The following GNPTAB variants were observed in gnomAD, a reference collection of about 807,000 sequenced individuals.
GNPTAB encodes N-acetylglucosamine-1-phosphate transferase subunits alpha and beta, also known as N-acetylglucosamine-1-phosphotransferase subunits alpha/beta.
GNPTAB carries 92 observed loss-of-function variants against 136.6 expected under a neutral mutation model. That is an observed-to-expected ratio of 0.67 (90% CI 0.57 to 0.80). GNPTAB has a LOEUF of 0.80. Ranked by LOEUF, GNPTAB falls within the 30% of genes least tolerant of loss-of-function variation. The pLI is 0.00. For missense variants in GNPTAB, 1,343 were observed against 1,501.8 expected (o/e 0.89, Z 1.75); for synonymous variants, 512 against 535.1 (o/e 0.96, Z 0.60).
At chr12:101,763,285 C>T (rs939670130) in intron 13 of GNPTAB, among the ~76,000 whole-genome samples, 23 of 151,636 alleles carry the variant, frequency 1.5e-4, no homozygotes, top group African/African-American at 5.3e-4. Flanking sequence ...TAAACATAGT[C>T]AAGAACACTG....
chr12:101,828,473 CA>C (rs1348421313), intron 1 of GNPTAB, among the ~76,000 whole-genome samples: 1 of 152,158 alleles, frequency 6.6e-6, no homozygotes, highest in African/African-American at 2.4e-5. Flanking sequence ...GTCTGGCCAA[CA>C]TAGTGAAACC....
At chr12:101,823,905 A>G (rs980371272) in intron 1 of GNPTAB, among the ~76,000 whole-genome samples, 1 of 152,226 alleles carries the variant, frequency 6.6e-6, no homozygotes, top group Non-Finnish European at 1.5e-5. Flanking sequence ...TTCTAGAGCA[A>G]GGTAAAGGGC....
At chr12:101,750,782 C>T (rs908219380) in intron 19 of GNPTAB, among the ~76,000 whole-genome samples, 4 of 152,182 alleles carry the variant, frequency 2.6e-5, no homozygotes, top group African/African-American at 9.7e-5. Flanking sequence ...CAGCAATATT[C>T]ATCCTAATTG....
chr12:101,761,065 C>G, intron 15 of GNPTAB, 62 bp downstream of exon 15: 3 of 1,288,676 alleles, frequency 2.3e-6, no homozygotes, highest in Non-Finnish European at 3.3e-6. Flanking sequence ...AGCCACTGCG[C>G]CTGACCAGAA....
chr12:101,775,544 G>A (rs1451167119), intron 7 of GNPTAB, among the ~76,000 whole-genome samples: 3 of 151,846 alleles, frequency 2.0e-5, no homozygotes, highest in Non-Finnish European at 4.4e-5. Context: ...ATTTTTAGTA[G>A]AGATGGAGTT....
intron 9 of GNPTAB, 63 bp downstream of exon 9, chr12:101,770,343 T>G: frequency 7.1e-7 from 1 of 1,400,896 alleles, no homozygotes; most frequent in Non-Finnish European, 1.0e-6. Context: ...TGGAAATCCC[T>G]GTACCACACT....
chr12:101,796,745 G>T lies in GNPTAB; in HGVS notation c.135C>A (p.Ser45Arg). 6.2e-7 allele frequency: 1 copy of T among 1,611,688 alleles called. No homozygotes were observed. The highest frequency in any genetic ancestry group is 8.5e-7 in the Non-Finnish European group (1 of 1,178,350). ...FQFGEVVLEW[S>R]RDQYHVLFDS... ...CAAACAAAACATGGTATTGATCTCG[G>T]CTCCATTCCAGAACCACCTAGAACA... The change falls in exon 2 of 21, where the codon AGC (serine) becomes AGA (arginine). Residue 45 changes from serine (S) to arginine (R), a missense_variant. Transcript: ENST00000299314.
At position 101,796,706 on chromosome 12, in the gene GNPTAB, G is replaced by A. The variant is rs148948607; in HGVS notation, c.174C>T (p.Asp58=). 4.9e-4 allele frequency: 786 copies of A among 1,611,724 alleles called. 3 individuals carry two copies. Among genetic ancestry groups the A allele is most frequent in the Non-Finnish European group, 9.0e-5 (106 of 1,178,184 alleles). The change falls in exon 2 of 21, where the codon GAC becomes GAT. Residue 58 remains aspartate, a synonymous_variant. Coordinates refer to ENST00000299314, the MANE Select transcript of GNPTAB (RefSeq NM_024312.5). ...QYHVLFDSYR[D]NIAGKSFQNR... ...TCTGAAAGGACTTTCCAGCAATATTGTCTCTATAGGAATCAAACAAAACAT... is the reference window on the plus strand; with the variant it reads ...TCTGAAAGGACTTTCCAGCAATATTATCTCTATAGGAATCAAACAAAACAT...
chr12:101,773,058 G>A (rs144907690), intron 7 of GNPTAB: 2 of 179,760 alleles, frequency 1.1e-5, no homozygotes, highest in Non-Finnish European at 2.4e-5. Context: ...CAATCTGCCC[G>A]CCTCGGCCTC....
At chr12:101,815,231 T>C (rs1346654378) in intron 1 of GNPTAB, among the ~76,000 whole-genome samples, 1 of 152,172 alleles carries the variant, frequency 6.6e-6, no homozygotes, top group African/African-American at 2.4e-5. Context: ...CTATGCTGGC[T>C]AATTTTGGAT....
At chr12:101,763,696 G>A (rs565578319) in intron 13 of GNPTAB, among the ~76,000 whole-genome samples, 1 of 152,288 alleles carries the variant, frequency 6.6e-6, no homozygotes, top group South Asian at 2.1e-4. Flanking sequence ...ATTCCCCAGT[G>A]GTTAGCACCG....
In GNPTAB at chr12:101,749,211, C is replaced by A. The variant is rs746214866; in HGVS notation, c.3603-20G>T. ...GCCCTCCTGTGCAGAGAGAAGAAAG[C>A]AACTATGTACTTCTGTATATGGTTT... On this transcript the variant is annotated intron_variant, in intron 19 of 20. Transcript: ENST00000299314. 1.2e-5 allele frequency: 17 copies of A among 1,393,354 alleles called. No homozygotes were observed. In the South Asian group the frequency reaches 1.8e-4, roughly 15 times the overall value. The allele number at this position is 1,393,354 out of a possible 1,614,324, so 86.3% of individuals were successfully genotyped here.
rs540384274 is a variant in GNPTAB, at chr12:101,787,680, G to A, written c.365+868C>T. On this transcript the variant is annotated intron_variant, in intron 4 of 20. Coordinates refer to ENST00000299314, the MANE Select transcript of GNPTAB (RefSeq NM_024312.5). ...CTGTAATCCAGTACTTTGGGAGGCCGAGGCGGGCGGATCACCTGAGGTCGG... is the reference window on the plus strand; with the variant it reads ...CTGTAATCCAGTACTTTGGGAGGCCAAGGCGGGCGGATCACCTGAGGTCGG... 5.3e-5 allele frequency among the ~76,000 whole-genome samples: 8 copies of A among 152,170 alleles called. No individual in the cohort carries two copies. In the South Asian group the frequency reaches 1.2e-3, roughly 24 times the overall value.
intron 10 of GNPTAB, 95 bp downstream of exon 10, chr12:101,769,926 T>C (rs1312292207): frequency 1.6e-6 from 2 of 1,219,036 alleles, no homozygotes; most frequent in South Asian, 1.2e-5. Context: ...CCACCATGTC[T>C]GGCCTGATAT....
At chr12:101,794,081 G>A (rs1456901231) in intron 2 of GNPTAB, among the ~76,000 whole-genome samples, 1 of 152,162 alleles carries the variant, frequency 6.6e-6, no homozygotes, top group East Asian at 1.9e-4. Context: ...GACCTCATGT[G>A]ATGTGCCCAC....
At chr12:101,762,415 T>C (rs1953011648) in intron 13 of GNPTAB, among the ~76,000 whole-genome samples, 1 of 152,232 alleles carries the variant, frequency 6.6e-6, no homozygotes. Context: ...TGTGGAAATA[T>C]GAAGTGGTGC....
At chr12:101,757,342 A>G in intron 17 of GNPTAB, 32 bp from the exon 18 acceptor site, 2 of 1,222,262 alleles carry the variant, frequency 1.6e-6, no homozygotes, top group Non-Finnish European at 2.4e-6. Flanking sequence ...AAGAGTTTAA[A>G]TAATTACATG....
At position 101,749,153 on chromosome 12, in the gene GNPTAB, C is replaced by T. The variant is rs1191603952; in HGVS notation, c.3641G>A (p.Cys1214Tyr). 6.2e-7 allele frequency: 1 copy of T among 1,612,912 alleles called. No homozygotes were observed. Among genetic ancestry groups the T allele is most frequent in the South Asian group, 1.1e-5 (1 of 91,064 alleles). Residue 1214 changes from cysteine (C) to tyrosine (Y), a missense_variant, in exon 20 of 21, where the codon TGT becomes TAT. Physicochemically the swap from Cys to Tyr is radical, Grantham distance 194. Transcript: ENST00000299314. ...AAACATAATCAATGTTGCTAGTACACAATGGGTCCAAAACTTCAATTTGTC... is the reference window on the plus strand; with the variant it reads ...AAACATAATCAATGTTGCTAGTACATAATGGGTCCAAAACTTCAATTTGTC... ...YRDKLKFWTHCVLATLIMFTI... is the reference protein window; with the variant it reads ...YRDKLKFWTHYVLATLIMFTI...
intron 1 of GNPTAB, among the ~76,000 whole-genome samples, chr12:101,829,078 C>G (rs946713139): frequency 6.6e-6 from 1 of 152,244 alleles, no homozygotes; most frequent in African/African-American, 2.4e-5. Flanking sequence ...CCTCTCATTT[C>G]TCTTGTCTGT....
Sources: gnomAD v4.1 joint callset for allele counts (sites outside exome capture counted in the v4.1 genomes callset) on GRCh38, gnomAD v4.1.1 for gene constraint, MANE v1.5 for transcripts, NCBI Gene and HGNC (gene_info 2026-07-23, HGNC 2026-07-21) for gene names.